SLF1: variants seen among roughly 807,000 people sequenced by gnomAD.
SLF1 encodes SMC5-SMC6 complex localization factor protein 1.
SLF1 carries 105 observed loss-of-function variants against 123.0 expected under a neutral mutation model. That is an observed-to-expected ratio of 0.85 (90% confidence interval 0.73 to 1.00). SLF1 has a LOEUF of 1.00. SLF1 is among the 50% of genes least tolerant of loss of function. The probability of loss-of-function intolerance (pLI) is 0.00; values close to 1 mark genes in which losing one functional copy is unlikely to be tolerated. For missense variants in SLF1, 1,239 were observed against 1,223.0 expected (o/e 1.01, Z -0.20); for synonymous variants, 434 against 406.6 (o/e 1.07, Z -0.81).
In SLF1 at chr5:94,643,353, C is replaced by T. The variant is rs1235343976; in HGVS notation, c.512C>T (p.Ala171Val). ...SGITHVIASN[A>V]RIKAEKEKDN... is the part of the protein sequence containing the mutation. Reference sequence around the variant, plus strand: ...ATAACTCATGTGATTGCCAGTAATGCAAGAATTAAAGCTGAGAAAGAAAAA... The same window carrying T: ...ATAACTCATGTGATTGCCAGTAATGTAAGAATTAAAGCTGAGAAAGAAAAA... The change falls in exon 5 of 21, where the codon GCA becomes GTA. Residue 171 changes from alanine (A) to valine (V), a missense_variant. Ala to Val is a moderately conservative substitution (Grantham distance 64). Coordinates refer to ENST00000265140, the MANE Select transcript of SLF1 (RefSeq NM_032290.4). 6.5e-7 allele frequency: 1 copy of T among 1,544,594 alleles called. No homozygotes were observed. The highest frequency in any genetic ancestry group is 2.0e-5 in the Admixed American group (1 of 50,100).
chr5:94,648,668 G>A (rs1415014985), intron 5 of SLF1, among the ~76,000 whole-genome samples: 2 of 152,236 alleles, frequency 1.3e-5, no homozygotes, highest in Middle Eastern at 3.4e-3. Flanking sequence ...TTTTAGTAGC[G>A]ATGGGGTTTC....
At chr5:94,641,859 C>T (rs533318939) in intron 4 of SLF1, among the ~76,000 whole-genome samples, 2 of 152,316 alleles carry the variant, frequency 1.3e-5, no homozygotes, top group African/African-American at 4.8e-5. Context: ...TACATGTAGG[C>T]AGTGGCCTGG....
intron 3 of SLF1, among the ~76,000 whole-genome samples, 181 bp downstream of exon 3, chr5:94,629,348 A>G (rs1450239438): frequency 1.3e-5 from 2 of 152,198 alleles, no homozygotes; most frequent in Admixed American, 6.5e-5. Context: ...TTTGTAACAC[A>G]TGAAAAATGT....
chr5:94,654,750 C>G lies in SLF1; in HGVS notation c.1153C>G (p.Gln385Glu). The G allele has an allele frequency of 1.3e-6, 2 of 1,496,510 alleles. No individual in the cohort carries two copies. Among genetic ancestry groups the G allele is most frequent in the African/African-American group, 1.4e-5 (1 of 70,782 alleles). The allele number at this position is 1,496,510 out of a possible 1,614,324, so 92.7% of individuals were successfully genotyped here. A position where few individuals can be genotyped will look rare whatever the true frequency, so the allele number is the denominator to read the frequency against. ...CTTAAGGAAGCACATATATAGAGCT[C>G]AGGTAAAACTTGGCACATGAAAAAT... is the stretch of plus-strand genomic sequence containing the variant. ...NTLRKHIYRA[Q>E]AVRYNCIRID... Residue 385 changes from glutamine to glutamate, a missense_variant and splice_region_variant, in exon 9 of 21, where the codon CAG (glutamine) becomes GAG (glutamate). Gln to Glu is a conservative substitution (Grantham distance 29). Coordinates refer to ENST00000265140, the MANE Select transcript of SLF1 (RefSeq NM_032290.4).
At chr5:94,677,924 CTTTT>C (rs5869635) in intron 14 of SLF1, among the ~76,000 whole-genome samples, 1 of 145,252 alleles carries the variant, frequency 6.9e-6, no homozygotes. Context: ...AAATGATATA[CTTTT>C]TTTTTTTTTT....
At position 94,639,037 on chromosome 5, in the gene SLF1, C is replaced by CTTT. The variant is rs764031689; in HGVS notation, c.432-4217_432-4215dup. 7.1e-4 allele frequency among the ~76,000 whole-genome samples: 63 copies of CTTT among 88,958 alleles called. 3 individuals carry two copies. Among genetic ancestry groups the CTTT allele is most frequent in the African/African-American group, 2.0e-3 (40 of 20,268 alleles). The allele number at this position is 88,958 out of a possible 152,430, so 58.4% of individuals were successfully genotyped here. On this transcript the variant is annotated intron_variant, in intron 4 of 20. Coordinates refer to ENST00000265140, the MANE Select transcript of SLF1 (RefSeq NM_032290.4). ...TTTCTCATCTCTTTTCTTTTCTTCCCTTTTTTTTTTTTTTTTTTTTTGAGA... is the reference window on the plus strand; with the variant it reads ...TTTCTCATCTCTTTTCTTTTCTTCCCTTTTTTTTTTTTTTTTTTTTTTTTGAGA...
intron 10 of SLF1, among the ~76,000 whole-genome samples, chr5:94,663,185 G>A (rs1191471186): frequency 1.3e-5 from 2 of 152,128 alleles, no homozygotes; most frequent in African/African-American, 4.8e-5. Context: ...CCTGTTAAAG[G>A]TTTTCTTTTA....
chr5:94,628,828 A>G lies in SLF1; in HGVS notation c.18A>G (p.Pro6=), dbSNP rs1744899801. The G allele has an allele frequency of 1.3e-6, 2 of 1,546,474 alleles. No homozygotes were observed. Among genetic ancestry groups the G allele is most frequent in the Admixed American group, 4.0e-5 (2 of 49,976 alleles). ...TTTGTTAGATGGAAGATGGTACCCC[A>G]AAGCATATCATCCAGATGACAGGAT... MEDGT[P]KHIIQMTGFK... is the part of the protein sequence containing the mutation. Residue 6 remains proline, a synonymous_variant, in exon 2 of 21, where the codon CCA becomes CCG. Coordinates refer to ENST00000265140, the MANE Select transcript of SLF1 (RefSeq NM_032290.4).
At chr5:94,623,443 A>G (rs1174638733) in intron 1 of SLF1, among the ~76,000 whole-genome samples, 1 of 152,180 alleles carries the variant, frequency 6.6e-6, no homozygotes, top group Non-Finnish European at 1.5e-5. Flanking sequence ...GACAGTAAAA[A>G]TAAAACTTAA....
At chr5:94,690,735 A>AT in intron 18 of SLF1, among the ~76,000 whole-genome samples, 1 of 151,568 alleles carries the variant, frequency 6.6e-6, no homozygotes, top group East Asian at 2.0e-4. Flanking sequence ...ATTTATAGTA[A>AT]TTTTTTTAAA....
chr5:94,643,175 AAGTCC>A, intron 4 of SLF1, 93 bp from the exon 5 acceptor site: 1 of 917,836 alleles, frequency 1.1e-6, no homozygotes, highest in Non-Finnish European at 1.6e-6. Flanking sequence ...CCTATTAGAA[AAGTCC>A]ATTCGTACTC....
intron 19 of SLF1, 62 bp downstream of exon 19, chr5:94,691,718 T>G (rs914981187): frequency 8.2e-7 from 1 of 1,212,214 alleles, no homozygotes; most frequent in African/African-American, 1.6e-5. Flanking sequence ...TAAACAGTTT[T>G]ATATCACATT....
Position 94,691,719 on chromosome 5 carries a change from A to C in SLF1, c.2512+63A>C, listed in dbSNP as rs946404425. On this transcript the variant is annotated intron_variant, in intron 19 of 20. Transcript: ENST00000265140. ...AATATTTGTGATATTAAACAGTTTT[A>C]TATCACATTAAGAAAAATTATTTAA... 4.1e-6 allele frequency: 5 copies of C among 1,229,228 alleles called. No homozygotes were observed. The African/African-American group carries it at 6.3e-5, about 15-fold the overall frequency. 76.1% of individuals were successfully genotyped at this position (1,229,228 alleles called of 1,614,324 possible). A position where few individuals can be genotyped will look rare whatever the true frequency, so the allele number is the denominator to read the frequency against.
chr5:94,695,163 C>A lies in SLF1; in HGVS notation c.3028C>A (p.Leu1010Ile). ...TSVHTDWLLD[L>I]YAGNIKTLQK... ...TGTTCATACTGACTGGTTACTGGAT[C>A]TTTATGCTGGAAATATAAAGACATT... The change falls in exon 21 of 21, where the codon CTT becomes ATT. Residue 1010 changes from leucine (L) to isoleucine (I), a missense_variant. Transcript: ENST00000265140. The A allele has an allele frequency of 1.2e-6, 2 of 1,612,770 alleles. No individual in the cohort carries two copies.
At chr5:94,632,835 G>A (rs143913233) in intron 4 of SLF1, among the ~76,000 whole-genome samples, 1,982 of 151,930 alleles carry the variant, frequency 0.013, 23 homozygotes, top group Middle Eastern at 0.027. Flanking sequence ...TGAGTAGCTG[G>A]GACTACAGGT....
At chr5:94,625,541 A>G (rs1792162004) in intron 1 of SLF1, among the ~76,000 whole-genome samples, 2 of 151,512 alleles carry the variant, frequency 1.3e-5, no homozygotes, top group East Asian at 2.0e-4. Flanking sequence ...CTGCCACCAC[A>G]CCTGGCTAAT....
chr5:94,635,941 T>G (rs910265464), intron 4 of SLF1, among the ~76,000 whole-genome samples: 1 of 152,208 alleles, frequency 6.6e-6, no homozygotes, highest in African/African-American at 2.4e-5. Context: ...TTGATATAGC[T>G]TAAAGAACTT....
intron 15 of SLF1, 138 bp downstream of exon 15, chr5:94,679,093 A>G (rs1751453605): frequency 2.2e-6 from 2 of 894,816 alleles, no homozygotes; most frequent in African/African-American, 1.7e-5. Flanking sequence ...GCACACATAG[A>G]TTCACACACA....
At chr5:94,691,725 C>T in intron 19 of SLF1, 69 bp downstream of exon 19, 10 of 1,174,724 alleles carry the variant, frequency 8.5e-6, no homozygotes, top group Non-Finnish European at 1.2e-5. Flanking sequence ...TTTTATATCA[C>T]ATTAAGAAAA....
Sources: allele counts gnomAD v4.1 joint callset (sites outside exome capture counted in the v4.1 genomes callset), GRCh38; gene constraint gnomAD v4.1.1; transcripts MANE v1.5; gene names NCBI Gene and HGNC (gene_info 2026-07-23, HGNC 2026-07-21).